Variants in PLEKHA6 observed in about 807,000 individuals in gnomAD.
PLEKHA6 encodes the protein pleckstrin homology domain containing A6.
Under a neutral mutation model 116.7 loss-of-function variants are expected in PLEKHA6, and 60 were observed. The ratio of observed to expected loss-of-function variants is 0.51; its 90% confidence interval spans 0.42 to 0.64. The LOEUF is 0.64. Ranked by LOEUF, PLEKHA6 falls within the 30% of genes least tolerant of loss-of-function variation. The pLI, the probability that PLEKHA6 is intolerant of heterozygous loss-of-function variation, is 0.00. For missense variants in PLEKHA6, 1,338 were observed against 1,422.7 expected (o/e 0.94, Z 0.96); for synonymous variants, 489 against 556.1 (o/e 0.88, Z 1.70).
rs890491382 is a variant in PLEKHA6, at chr1:204,248,702, G to T, written c.1824+119C>A. Reference sequence around the variant, plus strand: ...TCTTTGTTTATGCCCCTCTGCACGGGAGTACTCAGCTCTTGTCCTCTGAGG... The same window carrying T: ...TCTTTGTTTATGCCCCTCTGCACGGTAGTACTCAGCTCTTGTCCTCTGAGG... On this transcript the variant is annotated intron_variant, in intron 12 of 22. Coordinates refer to ENST00000272203, the MANE Select transcript of PLEKHA6 (RefSeq NM_014935.5). 2.1e-5 allele frequency: 17 copies of T among 825,900 alleles called. No homozygotes were observed. The African/African-American group carries it at 2.9e-4, about 14-fold the overall frequency. 51.2% of individuals were successfully genotyped at this position (825,900 alleles called of 1,614,324 possible).
intron 1 of PLEKHA6, among the ~76,000 whole-genome samples, chr1:204,350,701 G>C (rs958948026): frequency 6.6e-6 from 1 of 152,214 alleles, no homozygotes; most frequent in Non-Finnish European, 1.5e-5. Context: ...CTGGGAGATG[G>C]GGGCGGGGGG....
intron 1 of PLEKHA6, among the ~76,000 whole-genome samples, chr1:204,310,164 A>G (rs1406066431): frequency 6.6e-6 from 1 of 152,134 alleles, no homozygotes; most frequent in Non-Finnish European, 1.5e-5. Context: ...AGGATGTAGC[A>G]GACACTGGTA....
rs893159266 is a variant in PLEKHA6, at chr1:204,220,120, G to C, written c.*2668C>G. Reference sequence around the variant, plus strand: ...CCTCCTCTGGGCTTCGCACCGTCTCGTACACTGACATCCTTAGTGCTGTTT... The same window carrying C: ...CCTCCTCTGGGCTTCGCACCGTCTCCTACACTGACATCCTTAGTGCTGTTT... On this transcript the variant is annotated 3_prime_UTR_variant, in exon 23 of 23. Transcript: ENST00000272203. The C allele has an allele frequency of 6.6e-6, 1 of 152,354 alleles. No homozygotes were observed. The highest frequency in any genetic ancestry group is 1.9e-4 in the East Asian group (1 of 5,188). The allele number at this position is 152,354 out of a possible 1,614,324, so 9.4% of individuals were successfully genotyped here.
At chr1:204,250,492 G>A in intron 10 of PLEKHA6, 54 bp downstream of exon 10, 1 of 1,227,498 alleles carries the variant, frequency 8.1e-7, no homozygotes, top group Non-Finnish European at 1.2e-6. Context: ...CCCCCGCAGA[G>A]GACAGCAGCA....
Position 204,252,060 on chromosome 1 carries a change from G to A in PLEKHA6, c.1525-1446C>T, listed in dbSNP as rs576571612. On this transcript the variant is annotated intron_variant, in intron 9 of 22. Coordinates refer to ENST00000272203, the MANE Select transcript of PLEKHA6 (RefSeq NM_014935.5). ...CTAGGACCTGCTCTTTGGATGGGCC[G>A]CCACAGATACAGAGGCCTGCCCCCT... 2.4e-4 allele frequency among the ~76,000 whole-genome samples: 36 copies of A among 151,790 alleles called. No homozygotes were observed. In the South Asian group the frequency reaches 6.3e-3, roughly 26 times the overall value.
rs1403356841 is a variant in PLEKHA6 at position 204,248,865 on chromosome 1, T to C, written c.1780A>G (p.Asn594Asp). The C allele has an allele frequency of 8.1e-6, 13 of 1,614,170 alleles. No homozygotes were observed. In the African/African-American group the frequency reaches 1.7e-4, roughly 22 times the overall value. ...KLRHKKDSLQ[N>D]QLINIRVELS... ...TCCACGCGGATGTTGATGAGCTGGT[T>C]CTGCAGTGAATCCTTTTTGTGTCGC... Residue 594 changes from asparagine to aspartate, a missense_variant, in exon 12 of 23, where the codon AAC becomes GAC. Around this residue, in one of 3 missense-constraint regions of PLEKHA6, gnomAD observed 1,136 missense variants for 1,163.6 expected, o/e 0.98. Coordinates refer to ENST00000272203, the MANE Select transcript of PLEKHA6 (RefSeq NM_014935.5).
chr1:204,243,940 C>T (rs914054591), intron 15 of PLEKHA6, among the ~76,000 whole-genome samples: 5 of 152,122 alleles, frequency 3.3e-5, no homozygotes, highest in African/African-American at 1.2e-4. Context: ...CCTGGCTCAG[C>T]CTCCGGAGTA....
At chr1:204,268,407 A>C in intron 3 of PLEKHA6, 95 bp from the exon 4 acceptor site, 1 of 785,960 alleles carries the variant, frequency 1.3e-6, no homozygotes, top group East Asian at 3.0e-5. Context: ...GCTTCTCCCT[A>C]GGGTTAACCC....
At chr1:204,250,659 G>A in intron 9 of PLEKHA6, 45 bp from the exon 10 acceptor site, 1 of 1,305,802 alleles carries the variant, frequency 7.7e-7, no homozygotes, top group African/African-American at 1.4e-5. Flanking sequence ...GCAGGATGAG[G>A]GTATGCAGGG....
At chr1:204,316,917 C>T (rs1481612300) in intron 1 of PLEKHA6, among the ~76,000 whole-genome samples, 10 of 152,296 alleles carry the variant, frequency 6.6e-5, no homozygotes, top group Admixed American at 2.0e-4. Context: ...GAACCCCAGA[C>T]AGATAAAGCG....
intron 1 of PLEKHA6, among the ~76,000 whole-genome samples, chr1:204,315,248 C>CT (rs1671811829): frequency 6.6e-6 from 1 of 152,158 alleles, no homozygotes; most frequent in South Asian, 2.1e-4. Flanking sequence ...ATGTGACTCT[C>CT]TTGCTCAGAA....
chr1:204,269,239 C>T (rs1667178537), intron 3 of PLEKHA6, among the ~76,000 whole-genome samples: 1 of 150,742 alleles, frequency 6.6e-6, no homozygotes, highest in African/African-American at 2.4e-5. Flanking sequence ...CAATTCTTGT[C>T]TTTTTTTCTG....
chr1:204,301,317 A>T (rs1325661836), intron 1 of PLEKHA6: 5 of 954,832 alleles, frequency 5.2e-6, no homozygotes, highest in Non-Finnish European at 6.2e-6. Context: ...GGGTTCCTGC[A>T]GCCTGGAGCT....
At chr1:204,281,400 C>T (rs894067754) in intron 1 of PLEKHA6, among the ~76,000 whole-genome samples, 1 of 152,062 alleles carries the variant, frequency 6.6e-6, no homozygotes, top group Non-Finnish European at 1.5e-5. Flanking sequence ...TGGCGGGCAC[C>T]TGTAGTCCCA....
At chr1:204,256,960 A>G in intron 9 of PLEKHA6, 2 of 577,232 alleles carry the variant, frequency 3.5e-6, no homozygotes, top group Non-Finnish European at 6.2e-6. Flanking sequence ...CTGAAGCTCA[A>G]GGTTAGAGGT....
chr1:204,224,724 G>A (rs937884216), intron 21 of PLEKHA6, among the ~76,000 whole-genome samples: 2 of 152,192 alleles, frequency 1.3e-5, no homozygotes, highest in African/African-American at 4.8e-5. Flanking sequence ...GCGTATTTGT[G>A]TACTTCCAAG....
chr1:204,236,373 G>A (rs1263807823), intron 17 of PLEKHA6, among the ~76,000 whole-genome samples: 1 of 152,122 alleles, frequency 6.6e-6, no homozygotes, highest in Non-Finnish European at 1.5e-5. Flanking sequence ...ATGGTGGAGT[G>A]GATTAGTCAC....
At chr1:204,266,999 G>A (rs533079175) in intron 5 of PLEKHA6, among the ~76,000 whole-genome samples, 3 of 152,330 alleles carry the variant, frequency 2.0e-5, no homozygotes, top group South Asian at 2.1e-4. Context: ...TAAATGGCAG[G>A]TAGTGTTTTA....
intron 21 of PLEKHA6, among the ~76,000 whole-genome samples, chr1:204,224,736 C>T (rs917868683): frequency 3.3e-5 from 5 of 152,258 alleles, no homozygotes; most frequent in African/African-American, 1.2e-4. Flanking sequence ...ACTTCCAAGC[C>T]TGTGCCCTTC....
Sources: allele counts gnomAD v4.1 joint callset (sites outside exome capture counted in the v4.1 genomes callset), GRCh38; gene constraint gnomAD v4.1.1; regional missense constraint gnomAD v4.1.1; transcripts MANE v1.5; gene names NCBI Gene and HGNC (gene_info 2026-07-23, HGNC 2026-07-21).